Variants in HM13 observed in about 807,000 individuals in gnomAD.
HM13 encodes the protein signal peptide peptidase.
HM13 carries 18 observed loss-of-function variants against 50.0 expected under a neutral mutation model. The ratio of observed to expected loss-of-function variants is 0.36; its 90% CI spans 0.25 to 0.53. The LOEUF (loss-of-function observed/expected upper bound fraction) is 0.53, where lower values mean the gene tolerates loss of function less well. Among genes scored for constraint, HM13 ranks in the 20% least tolerant of loss-of-function variants. The probability of loss-of-function intolerance (pLI) is 0.90; values close to 1 mark genes in which losing one functional copy is unlikely to be tolerated. For synonymous variants in HM13, 197 were observed against 232.6 expected (o/e 0.85, Z 1.39); for missense variants, 393 against 552.4 (o/e 0.71, Z 2.89).
intron 10 of HM13, among the ~76,000 whole-genome samples, chr20:31,562,140 T>C (rs1236013996): frequency 6.6e-6 from 1 of 151,902 alleles, no homozygotes; most frequent in Non-Finnish European, 1.5e-5. Context: ...TTGGAGTGGG[T>C]GTTGGGTATT....
intron 1 of HM13, among the ~76,000 whole-genome samples, chr20:31,522,426 G>A (rs1436551152): frequency 6.6e-6 from 1 of 152,084 alleles, no homozygotes; most frequent in Non-Finnish European, 1.5e-5. Context: ...GCTGGGTGTG[G>A]TGGCAGGTGC....
Position 31,554,784 on chromosome 20 carries a change from G to T in HM13, c.763G>T (p.Ala255Ser). 6.2e-7 allele frequency: 1 copy of T among 1,614,184 alleles called. No homozygotes were observed. Among genetic ancestry groups the T allele is most frequent in the East Asian group, 2.2e-5 (1 of 44,884 alleles). Residue 255 changes from alanine to serine, a missense_variant, in exon 8 of 13, where the codon GCA (alanine) becomes TCA (serine). Coordinates refer to ENST00000398174, the MANE Select transcript of HM13 (RefSeq NM_178581.3). ...GGATCTGCTGGAGAAAGGCCTCGAA[G>T]CAAACAACTTTGCCATGCTGGGACT... Reference protein sequence around the residue: ...PQDLLEKGLEANNFAMLGLGD... With the variant: ...PQDLLEKGLESNNFAMLGLGD...
At chr20:31,560,277 G>A (rs1984533280) in intron 9 of HM13, among the ~76,000 whole-genome samples, 1 of 152,216 alleles carries the variant, frequency 6.6e-6, no homozygotes, top group South Asian at 2.1e-4. Context: ...GCCAGCAACA[G>A]CTCCATCATT....
intron 4 of HM13, chr20:31,547,895 T>C (rs1983813446): frequency 3.8e-6 from 4 of 1,059,758 alleles, no homozygotes; most frequent in African/African-American, 3.1e-5. Context: ...GTAGATACGA[T>C]TGTAGCAGTC....
chr20:31,545,118 T>C, intron 4 of HM13, 83 bp downstream of exon 4: 9 of 1,041,588 alleles, frequency 8.6e-6, no homozygotes, highest in Non-Finnish European at 1.3e-5. Context: ...ATTGGGGTTC[T>C]CCAATAGAGC....
intron 4 of HM13, chr20:31,547,669 C>G: frequency 6.7e-7 from 1 of 1,489,672 alleles, no homozygotes; most frequent in Non-Finnish European, 9.2e-7. Context: ...AGTCCGATGC[C>G]ACGAACATAC....
intron 10 of HM13, among the ~76,000 whole-genome samples, chr20:31,565,890 G>A (rs1984881037): frequency 6.6e-6 from 1 of 152,184 alleles, no homozygotes; most frequent in South Asian, 2.1e-4. Context: ...AGGAAGCAGA[G>A]TCTCTGGGAG....
chr20:31,569,100 G>GGT lies in HM13; in HGVS notation c.1182-20_1182-19insGT. The GGT allele has an allele frequency of 2.5e-6, 3 of 1,190,470 alleles. No homozygotes were observed. In the Admixed American group the frequency reaches 7.4e-5, roughly 30 times the overall value. 73.7% of individuals were successfully genotyped at this position (1,190,470 alleles called of 1,614,324 possible). ...CTCCTCTAAATGAATTTTTATTGTT[G>GGT]TTTTTTTTTTTTTGGTCAGTTATGA... On this transcript the variant is annotated intron_variant, in intron 12 of 12. Transcript: ENST00000398174.
At chr20:31,567,879 G>C (rs1006714520) in intron 11 of HM13, 199 bp from the exon 12 acceptor site, 5 of 563,260 alleles carry the variant, frequency 8.9e-6, no homozygotes, top group Non-Finnish European at 1.6e-5. Flanking sequence ...ACAGTGGCCT[G>C]ATGTGCCTTT....
chr20:31,514,522 C>G lies in HM13; in HGVS notation c.-30C>G. 1.3e-6 allele frequency: 2 copies of G among 1,592,406 alleles called. No homozygotes were observed. The highest frequency in any genetic ancestry group is 1.7e-6 in the Non-Finnish European group (2 of 1,171,772). On this transcript the variant is annotated 5_prime_UTR_variant, in exon 1 of 13. Transcript: ENST00000398174. The surrounding 1 kb of genome is among the most constrained non-coding windows in gnomAD (Gnocchi z 4.3). ...TGCGTCCCTGCTGCAGCAACCGGAG[C>G]TGGAGTCGGATCCCGAACGCACCCT...
chr20:31,522,082 T>G (rs1338154192), intron 1 of HM13, among the ~76,000 whole-genome samples: 1 of 152,054 alleles, frequency 6.6e-6, no homozygotes, highest in Non-Finnish European at 1.5e-5. Flanking sequence ...CCTTGGTTTG[T>G]CACTGAATAA....
Position 31,514,854 on chromosome 20 carries a change from C to T in HM13, c.183+120C>T. On this transcript the variant is annotated intron_variant, in intron 1 of 12. Coordinates refer to ENST00000398174, the MANE Select transcript of HM13 (RefSeq NM_178581.3). This position sits in a 1 kb window ranked among gnomAD's most constrained non-coding sequence, Gnocchi z 4.3. ...CACTGACTCTTCCCAGCCCTGATCA[C>T]CACCGTTCCCTCTGTCTCGGGCCCA... is the stretch of plus-strand genomic sequence containing the variant. 2 of 1,002,704 alleles carry T rather than the reference C, an allele frequency of 2.0e-6. No homozygotes were observed. Among genetic ancestry groups the T allele is most frequent in the East Asian group, 3.0e-5 (1 of 33,424 alleles). 62.1% of individuals were successfully genotyped at this position (1,002,704 alleles called of 1,614,324 possible). A position where few individuals can be genotyped will look rare whatever the true frequency, so the allele number is the denominator to read the frequency against.
At chr20:31,554,404 C>T (rs1449836164) in intron 7 of HM13, among the ~76,000 whole-genome samples, 2 of 151,868 alleles carry the variant, frequency 1.3e-5, no homozygotes, top group African/African-American at 2.4e-5. Flanking sequence ...CAAAGTAGGC[C>T]GGGAGCGGTG....
At chr20:31,566,368 G>T in intron 11 of HM13, 73 bp downstream of exon 11, 1 of 1,250,926 alleles carries the variant, frequency 8.0e-7, no homozygotes, top group South Asian at 1.2e-5. Flanking sequence ...AACCTGCTGG[G>T]GGTATCTTTA....
chr20:31,516,083 C>T (rs1451921413), intron 1 of HM13, among the ~76,000 whole-genome samples: 1 of 152,226 alleles, frequency 6.6e-6, no homozygotes, highest in African/African-American at 2.4e-5. Context: ...GGCTGAGAGA[C>T]TCAAACATGA....
chr20:31,544,563 A>C (rs1011799332), intron 3 of HM13, among the ~76,000 whole-genome samples: 3 of 152,198 alleles, frequency 2.0e-5, no homozygotes, highest in Non-Finnish European at 2.9e-5. Context: ...GGAGTCCACA[A>C]ATATGCTTCT....
intron 4 of HM13, among the ~76,000 whole-genome samples, chr20:31,545,790 G>A (rs1163106481): frequency 6.6e-6 from 1 of 151,952 alleles, no homozygotes; most frequent in African/African-American, 2.4e-5. Flanking sequence ...GCAGTGGTGC[G>A]ATCTCAGCTC....
At position 31,554,763 on chromosome 20, in the gene HM13, C is replaced by A; in HGVS notation, c.742C>A (p.Leu248Met). ...APIKLVFPQD[L>M]LEKGLEANNF... ...CGCTTCAGTGGTGTTTCCCCAGGAT[C>A]TGCTGGAGAAAGGCCTCGAAGCAAA... is the stretch of plus-strand genomic sequence containing the variant. Residue 248 changes from leucine to methionine, a missense_variant, in exon 8 of 13, where the codon CTG (leucine) becomes ATG (methionine). By Grantham distance (15) the Leu-to-Met change is conservative. Coordinates refer to ENST00000398174, the MANE Select transcript of HM13 (RefSeq NM_178581.3). 6.2e-7 allele frequency: 1 copy of A among 1,613,986 alleles called. No homozygotes were observed. The highest frequency in any genetic ancestry group is 8.5e-7 in the Non-Finnish European group (1 of 1,179,920).
intron 1 of HM13, among the ~76,000 whole-genome samples, chr20:31,518,874 G>T (rs1264871759): frequency 1.2e-4 from 18 of 151,926 alleles, no homozygotes; most frequent in African/African-American, 4.3e-4. Context: ...TATAGAGAGA[G>T]AGAGAGAGAG....
Sources: allele counts gnomAD v4.1 joint callset (sites outside exome capture counted in the v4.1 genomes callset), GRCh38; gene constraint gnomAD v4.1.1; non-coding constraint Gnocchi (gnomAD v3.1); transcripts MANE v1.5; gene names NCBI Gene and HGNC (gene_info 2026-07-23, HGNC 2026-07-21).